PAN3: variants seen among roughly 807,000 people sequenced by gnomAD.
PAN3 encodes the protein PAN2-PAN3 deadenylation complex subunit PAN3.
PAN3 carries 19 observed loss-of-function variants against 96.2 expected under a neutral mutation model. The ratio of observed to expected loss-of-function variants is 0.20; its 90% confidence interval spans 0.14 to 0.29. The LOEUF is 0.29. Among genes scored for constraint, PAN3 ranks in the 10% least tolerant of loss-of-function variants. The pLI is 1.00. For synonymous variants in PAN3, 433 were observed against 406.6 expected (o/e 1.06, Z -0.78); for missense variants, 882 against 1,108.1 (o/e 0.80, Z 2.90).
At position 28,267,346 on chromosome 13, in the gene PAN3, G is replaced by A. The variant is rs557318669; in HGVS notation, c.1737G>A (p.Met579Ile). Reference sequence around the variant, plus strand: ...TCCATGCTGGAGGAGAAACTATGATGAGCAGACACTTTAATGACCCTAATG... The same window carrying A: ...TCCATGCTGGAGGAGAAACTATGATAAGCAGACACTTTAATGACCCTAATG... ...YDFHAGGETM[M>I]SRHFNDPNAD... is the part of the protein sequence containing the mutation. Residue 579 changes from methionine to isoleucine, a missense_variant, in exon 12 of 19, where the codon ATG becomes ATA. Physicochemically the swap from Met to Ile is conservative, Grantham distance 10. Transcript: ENST00000380958. 6.2e-7 allele frequency: 1 copy of A among 1,613,788 alleles called. No individual in the cohort carries two copies. The highest frequency in any genetic ancestry group is 1.1e-5 in the South Asian group (1 of 91,028).
chr13:28,229,871 T>G (rs1882360489), intron 6 of PAN3, among the ~76,000 whole-genome samples: 1 of 152,156 alleles, frequency 6.6e-6, no homozygotes, highest in Non-Finnish European at 1.5e-5. Context: ...AGGGAAGATT[T>G]GCTTTTCTGA....
intron 5 of PAN3, among the ~76,000 whole-genome samples, chr13:28,204,147 A>C (rs1004577577): frequency 6.6e-6 from 1 of 152,104 alleles, no homozygotes; most frequent in Admixed American, 6.6e-5. Context: ...ATCTCAGCCC[A>C]GACACCAAGC....
At chr13:28,237,215 A>G (rs564221719) in intron 6 of PAN3, among the ~76,000 whole-genome samples, 3 of 152,218 alleles carry the variant, frequency 2.0e-5, no homozygotes, top group African/African-American at 7.2e-5. Flanking sequence ...TTTACATGTT[A>G]AGTACCTGAT....
intron 4 of PAN3, among the ~76,000 whole-genome samples, chr13:28,185,570 T>G (rs1876350667): frequency 6.6e-6 from 1 of 152,164 alleles, no homozygotes; most frequent in Admixed American, 6.5e-5. Context: ...TGTTGATTGA[T>G]TTTTAAAAAG....
intron 15 of PAN3, 112 bp from the exon 16 acceptor site, chr13:28,280,300 T>C: frequency 1.6e-6 from 2 of 1,276,858 alleles, no homozygotes; most frequent in Non-Finnish European, 2.1e-6. Flanking sequence ...TTAAAATGTT[T>C]TCAAAATTTT....
intron 18 of PAN3, among the ~76,000 whole-genome samples, chr13:28,290,955 T>TATCC (rs1869675420): frequency 6.6e-6 from 1 of 152,042 alleles, no homozygotes; most frequent in South Asian, 2.1e-4. Flanking sequence ...ATTAGGATAA[T>TATCC]ATTAAATTCA....
chr13:28,187,339 C>T (rs1175956980), intron 4 of PAN3, among the ~76,000 whole-genome samples: 1 of 152,062 alleles, frequency 6.6e-6, no homozygotes, highest in African/African-American at 2.4e-5. Flanking sequence ...AAAAATACAA[C>T]AATTTTTTTC....
rs1401242681 is a variant in PAN3 at position 28,279,749 on chromosome 13, ACT to A, written c.2190-660_2190-659del. Among the ~76,000 whole-genome samples the A allele has an allele frequency of 4.0e-5, 6 of 149,638 alleles. No individual in the cohort carries two copies. In the East Asian group the frequency reaches 8.0e-4, roughly 20 times the overall value. ...CACTCCAGCCTGGCAATAGAACGAG[ACT>A]CTGTCACCAAAAAAAAAAATTCTTT... On this transcript the variant is annotated intron_variant, in intron 15 of 18. Transcript: ENST00000380958.
chr13:28,208,751 C>A (rs1221584553), intron 5 of PAN3, among the ~76,000 whole-genome samples: 1 of 152,048 alleles, frequency 6.6e-6, no homozygotes, highest in Non-Finnish European at 1.5e-5. Context: ...GTCTTCTATT[C>A]TTTGGATACA....
At chr13:28,289,868 C>G (rs754704056) in intron 18 of PAN3, among the ~76,000 whole-genome samples, 1 of 151,646 alleles carries the variant, frequency 6.6e-6, no homozygotes, top group East Asian at 1.9e-4. Context: ...GCCGATAGAG[C>G]GAGACTCCGT....
intron 5 of PAN3, among the ~76,000 whole-genome samples, chr13:28,202,639 G>A (rs1467743880): frequency 6.6e-6 from 1 of 151,190 alleles, no homozygotes; most frequent in South Asian, 2.1e-4. Context: ...CAGCAGGCAG[G>A]ATAGAATATA....
intron 6 of PAN3, chr13:28,232,717 A>G (rs983329485): frequency 6.6e-6 from 1 of 152,162 alleles, no homozygotes; most frequent in East Asian, 1.9e-4. Context: ...ACAGAATTAC[A>G]TATACATGTA....
intron 6 of PAN3, among the ~76,000 whole-genome samples, chr13:28,242,609 T>G (rs1180261566): frequency 6.6e-6 from 1 of 152,220 alleles, no homozygotes; most frequent in African/African-American, 2.4e-5. Context: ...TAGAATTTAC[T>G]GTGAGGTTGA....
At chr13:28,263,423 C>A (rs906218380) in intron 9 of PAN3, among the ~76,000 whole-genome samples, 1 of 152,250 alleles carries the variant, frequency 6.6e-6, no homozygotes, top group South Asian at 2.1e-4. Context: ...ACCTCCGCCT[C>A]CTGGGCTCAA....
intron 1 of PAN3, among the ~76,000 whole-genome samples, chr13:28,150,783 G>C (rs1871272350): frequency 6.6e-6 from 1 of 152,150 alleles, no homozygotes; most frequent in Non-Finnish European, 1.5e-5. Flanking sequence ...TTTATTGAGT[G>C]TTTACTCTGT....
chr13:28,290,540 G>A (rs1869623916), intron 18 of PAN3, among the ~76,000 whole-genome samples: 1 of 152,054 alleles, frequency 6.6e-6, no homozygotes, highest in Non-Finnish European at 1.5e-5. Context: ...AATTAGCCGG[G>A]CGTGGTGGTA....
At chr13:28,197,590 TCAGA>T (rs1878211981) in intron 5 of PAN3, among the ~76,000 whole-genome samples, 1 of 152,130 alleles carries the variant, frequency 6.6e-6, no homozygotes, top group South Asian at 2.1e-4. Flanking sequence ...TTTTGTTTTT[TCAGA>T]CAGAGTCTCA....
Position 28,139,226 on chromosome 13 carries a change from C to T in PAN3, c.430+139C>T, listed in dbSNP as rs1869255925. The T allele has an allele frequency of 5.0e-6, 5 of 993,246 alleles. 1 individual carries two copies. The highest frequency in any genetic ancestry group is 6.6e-5 in the East Asian group (2 of 30,326). 61.5% of individuals were successfully genotyped at this position (993,246 alleles called of 1,614,324 possible). On this transcript the variant is annotated intron_variant, in intron 1 of 18. Transcript: ENST00000380958. ...CCAAGGCGGTCTGAGAGGCCTAGGC[C>T]GGGCCTGAGCCCTCCTTCCTTCTTC...
intron 4 of PAN3, among the ~76,000 whole-genome samples, chr13:28,186,646 A>G (rs1319688415): frequency 6.6e-6 from 1 of 152,238 alleles, no homozygotes; most frequent in African/African-American, 2.4e-5. Flanking sequence ...AAGTGTACAC[A>G]TACAAGTTAA....
Sources: allele counts gnomAD v4.1 joint callset (sites outside exome capture counted in the v4.1 genomes callset), GRCh38; gene constraint gnomAD v4.1.1; transcripts MANE v1.5; gene names NCBI Gene and HGNC (gene_info 2026-07-23, HGNC 2026-07-21).